The following GCH1 variants were observed in gnomAD, a reference collection of about 807,000 sequenced individuals.
GCH1 encodes the protein GTP cyclohydrolase 1, also known as GTP cyclohydrolase I.
GCH1 carries 5 observed loss-of-function variants against 25.9 expected under a neutral mutation model. That is an observed-to-expected ratio of 0.19 (90% CI 0.10 to 0.41). GCH1 has a LOEUF of 0.41. Among genes scored for constraint, GCH1 ranks in the 10% least tolerant of loss-of-function variants. The pLI, the probability that GCH1 is intolerant of heterozygous loss-of-function variation, is 1.00. For missense variants in GCH1, 261 were observed against 336.5 expected, an observed-to-expected ratio of 0.78 and a Z score of 1.75; for synonymous variants, 159 against 129.6, an observed-to-expected ratio of 1.23 and a Z score of -1.54.
intron 1 of GCH1, among the ~76,000 whole-genome samples, chr14:54,880,558 TATATATACTCC>T (rs1442381171): frequency 8.2e-4 from 66 of 80,760 alleles, no homozygotes; most frequent in South Asian, 1.7e-3. Flanking sequence ...ATACTCCATA[TATATATACTCC>T]ATATATATAT....
Position 54,859,731 on chromosome 14 carries a change from A to G in GCH1, c.459T>C (p.His153=). The G allele has an allele frequency of 6.3e-7, 1 of 1,580,422 alleles. No homozygotes were observed. Among genetic ancestry groups the G allele is most frequent in the Non-Finnish European group, 8.7e-7 (1 of 1,149,160 alleles). The change falls in exon 3 of 6, where the codon CAT becomes CAC. Residue 153 remains histidine (H), a synonymous_variant. Transcript: ENST00000491895. ...HHLVPFVGKV[H]IGYLPNKQVL... Reference sequence around the variant, plus strand: ...CTTGCTTGTTAGGAAGATAACCAATATGGACCTTCAGAGAAGAGACGGAAA... The same window carrying G: ...CTTGCTTGTTAGGAAGATAACCAATGTGGACCTTCAGAGAAGAGACGGAAA...
intron 3 of GCH1, chr14:54,859,183 C>T (rs1444402126): frequency 1.8e-5 from 3 of 170,336 alleles, no homozygotes; most frequent in Non-Finnish European, 2.5e-5. Flanking sequence ...CTGGGGATCC[C>T]ACAGGGAAGT....
chr14:54,902,113 G>A (rs1050353538), intron 1 of GCH1, among the ~76,000 whole-genome samples: 2 of 152,178 alleles, frequency 1.3e-5, no homozygotes, highest in Non-Finnish European at 2.9e-5. Flanking sequence ...TTCCGGGGCT[G>A]AGAGGTCGCT....
chr14:54,870,335 C>CAAAAAA (rs561453897), intron 1 of GCH1, among the ~76,000 whole-genome samples: 1 of 66,606 alleles, frequency 1.5e-5, no homozygotes, highest in Non-Finnish European at 2.7e-5. Flanking sequence ...CTGTTTTTAC[C>CAAAAAA]AAAAAAAAAA....
intron 3 of GCH1, 118 bp from the exon 4 acceptor site, chr14:54,847,248 G>C: frequency 1.9e-6 from 1 of 533,372 alleles, no homozygotes; most frequent in South Asian, 2.0e-5. Context: ...AGGAAATAAA[G>C]CTTATGGCAA....
intron 3 of GCH1, among the ~76,000 whole-genome samples, chr14:54,858,285 C>G (rs1034682923): frequency 1.3e-5 from 2 of 152,018 alleles, no homozygotes; most frequent in South Asian, 4.2e-4. Context: ...TATTCCTCTT[C>G]TTTTATTTTT....
intron 5 of GCH1, among the ~76,000 whole-genome samples, chr14:54,844,976 C>T (rs2039617931): frequency 6.6e-6 from 1 of 151,686 alleles, no homozygotes; most frequent in Non-Finnish European, 1.5e-5. Flanking sequence ...GTTTGAGATC[C>T]CCAGCCTGGC....
chr14:54,879,925 C>T (rs1158264288), intron 1 of GCH1, among the ~76,000 whole-genome samples: 1 of 141,886 alleles, frequency 7.0e-6, no homozygotes, highest in Non-Finnish European at 1.5e-5. Flanking sequence ...GCGGAGGTTG[C>T]CGTGAGCCAA....
chr14:54,887,559 G>A (rs889338316), intron 1 of GCH1, among the ~76,000 whole-genome samples: 7 of 152,168 alleles, frequency 4.6e-5, no homozygotes, highest in Non-Finnish European at 1.0e-4. Flanking sequence ...GCAAATGTAT[G>A]GACCTTGAGT....
chr14:54,852,612 G>A (rs2039748814), intron 3 of GCH1, among the ~76,000 whole-genome samples: 1 of 152,194 alleles, frequency 6.6e-6, no homozygotes, highest in Non-Finnish European at 1.5e-5. Flanking sequence ...CAGACAGTGG[G>A]TCCCAGCAAG....
intron 3 of GCH1, among the ~76,000 whole-genome samples, chr14:54,851,571 C>T (rs913609322): frequency 5.3e-5 from 8 of 152,180 alleles, no homozygotes; most frequent in Non-Finnish European, 1.2e-4. Context: ...AGGATATGAA[C>T]AGACACTTCT....
rs537541020 is a variant in GCH1 at position 54,887,322 on chromosome 14, G to C, written c.343+14999C>G. Among the ~76,000 whole-genome samples the C allele has an allele frequency of 3.0e-3, 450 of 152,342 alleles. 4 individuals are homozygous for C. The highest frequency in any genetic ancestry group is 0.01 in the African/African-American group (429 of 41,578). ...CAGTTGTGACAGTGCATGAAGTACA[G>C]AGCATTCCTGCTAAAAATGTTTTCC... is the stretch of plus-strand genomic sequence containing the variant. On this transcript the variant is annotated intron_variant, in intron 1 of 5. Transcript: ENST00000491895.
intron 1 of GCH1, among the ~76,000 whole-genome samples, chr14:54,898,769 G>A (rs1595027124): frequency 6.6e-6 from 1 of 152,012 alleles, no homozygotes; most frequent in Admixed American, 6.6e-5. Context: ...ACAGGTATGC[G>A]CCACCACATC....
chr14:54,876,146 A>C (rs1355766672), intron 1 of GCH1, among the ~76,000 whole-genome samples: 4 of 152,226 alleles, frequency 2.6e-5, no homozygotes, highest in African/African-American at 9.6e-5. Flanking sequence ...GCACATATAC[A>C]CCACAGAATA....
chr14:54,848,249 G>A (rs1338631255), intron 3 of GCH1, among the ~76,000 whole-genome samples: 1 of 150,628 alleles, frequency 6.6e-6, no homozygotes, highest in African/African-American at 2.4e-5. Context: ...CGATTCTCCT[G>A]CCTCAGCTTC....
intron 2 of GCH1, among the ~76,000 whole-genome samples, chr14:54,864,255 A>G (rs896067935): frequency 9.2e-5 from 14 of 152,244 alleles, no homozygotes; most frequent in African/African-American, 3.4e-4. Context: ...GTGAAAAGAT[A>G]CAATACTTTA....
rs2039593399 is a variant in GCH1 at position 54,843,641 on chromosome 14, T to C, written c.*376A>G. On this transcript the variant is annotated 3_prime_UTR_variant, in exon 6 of 6. Transcript: ENST00000491895. ...TATTGGAGGAAGAAAAAAAACAGTA[T>C]ACTGGGCACAGTTCCCTCTCATTCC... 16 of 1,527,730 alleles carry C rather than the reference T, an allele frequency of 1.0e-5. No homozygotes were observed. The South Asian group carries it at 1.8e-4, about 18-fold the overall frequency. The allele number at this position is 1,527,730 out of a possible 1,614,324, so 94.6% of individuals were successfully genotyped here.
At chr14:54,893,832 A>G (rs983978527) in intron 1 of GCH1, among the ~76,000 whole-genome samples, 30 of 152,244 alleles carry the variant, frequency 2.0e-4, no homozygotes, top group Non-Finnish European at 1.0e-4. Flanking sequence ...CGCTTCACCC[A>G]TTCATGCTCC....
chr14:54,874,499 C>T (rs1368294185), intron 1 of GCH1, among the ~76,000 whole-genome samples: 1 of 152,134 alleles, frequency 6.6e-6, no homozygotes, highest in African/African-American at 2.4e-5. Context: ...CCAGGGCAAT[C>T]AGGCAGGAGA....
Sources: gnomAD v4.1 joint callset for allele counts (sites outside exome capture counted in the v4.1 genomes callset) on GRCh38, gnomAD v4.1.1 for gene constraint, MANE v1.5 for transcripts, NCBI Gene and HGNC (gene_info 2026-07-23, HGNC 2026-07-21) for gene names.